The following HPSE2 variants were observed in gnomAD, a reference collection of about 807,000 sequenced individuals.
HPSE2 encodes heparanase 2 (inactive).
In HPSE2, 38 loss-of-function variants were observed where a neutral mutation model predicts 60.5. That is an observed-to-expected ratio of 0.63 (90% CI 0.48 to 0.82). The LOEUF is 0.82. HPSE2 is among the 40% of genes least tolerant of loss of function. HPSE2 has a pLI of 0.00. For synonymous variants in HPSE2, 295 were observed against 293.2 expected (o/e 1.01, Z -0.06); for missense variants, 713 against 740.4 (o/e 0.96, Z 0.43).
At chr10:98,642,411 C>A (rs558265652) in intron 6 of HPSE2, among the ~76,000 whole-genome samples, 1 of 152,230 alleles carries the variant, frequency 6.6e-6, no homozygotes, top group African/African-American at 2.4e-5. Context: ...AAAAATCTGA[C>A]TTAGTGTAGT....
rs554036463 is a variant in HPSE2, at chr10:98,960,038, T to A, written c.610+184200A>T. Among the ~76,000 whole-genome samples, 5 of 152,280 alleles carry A rather than the reference T, an allele frequency of 3.3e-5. No individual in the cohort carries two copies. The East Asian group carries it at 9.6e-4, about 29-fold the overall frequency. On this transcript the variant is annotated intron_variant, in intron 3 of 11. Coordinates refer to ENST00000370552, the MANE Select transcript of HPSE2 (RefSeq NM_021828.5). ...TAAACTTTGCCTCTTTCCTTCCTGC[T>A]GAGATTATATCCATCAAACCTAAAA...
chr10:99,305,968 C>CGCGCGT, the HPSE2 span, among the ~76,000 whole-genome samples: 12 of 105,632 alleles, frequency 1.1e-4, 1 homozygote, highest in African/African-American at 4.3e-4. Flanking sequence ...CACACGCGCG[C>CGCGCGT]GCGCGCGCGC....
chr10:99,247,431 C>T, the HPSE2 span, among the ~76,000 whole-genome samples: 5 of 152,114 alleles, frequency 3.3e-5, no homozygotes, highest in Non-Finnish European at 7.4e-5. Context: ...TACCCGCTAC[C>T]GCAAAAACAC....
intron 3 of HPSE2, among the ~76,000 whole-genome samples, chr10:98,779,175 T>G (rs1192649703): frequency 6.6e-6 from 1 of 152,154 alleles, no homozygotes; most frequent in Non-Finnish European, 1.5e-5. Context: ...GGAGAAAAAT[T>G]AGTTTCTTAG....
At chr10:98,504,005 T>C (rs545519880) in intron 9 of HPSE2, among the ~76,000 whole-genome samples, 2 of 152,274 alleles carry the variant, frequency 1.3e-5, no homozygotes, top group South Asian at 2.1e-4. Flanking sequence ...CAATAACTTA[T>C]GGGAAAAAAA....
At chr10:99,184,819 T>G (rs12250964) in intron 2 of HPSE2, among the ~76,000 whole-genome samples, 303 of 19,788 alleles carry the variant, frequency 0.015, 12 homozygotes, top group Middle Eastern at 0.05. Flanking sequence ...TATATATATA[T>G]AGAGAGAGAG....
intron 11 of HPSE2, among the ~76,000 whole-genome samples, chr10:98,466,360 T>C (rs945369957): frequency 3.9e-5 from 6 of 152,068 alleles, no homozygotes; most frequent in Non-Finnish European, 8.8e-5. Flanking sequence ...ACGCCTGTAA[T>C]CCCAGCACTT....
At chr10:98,986,598 C>T (rs1057455135) in intron 3 of HPSE2, among the ~76,000 whole-genome samples, 2 of 130,388 alleles carry the variant, frequency 1.5e-5, no homozygotes, top group African/African-American at 5.4e-5. Flanking sequence ...GAAGCAAGAG[C>T]AAACACATTC....
intron 3 of HPSE2, among the ~76,000 whole-genome samples, chr10:99,119,241 C>T (rs1022795157): frequency 2.0e-5 from 3 of 152,110 alleles, no homozygotes; most frequent in African/African-American, 4.8e-5. Context: ...TAAATAACTT[C>T]AGCAAAGTCT....
At chr10:99,249,455 T>C in the HPSE2 span, among the ~76,000 whole-genome samples, 1 of 152,258 alleles carries the variant, frequency 6.6e-6, no homozygotes, top group African/African-American at 2.4e-5. Flanking sequence ...CCTTTTGGAA[T>C]GGGTGTATTT....
At chr10:98,778,722 C>T (rs571824422) in intron 3 of HPSE2, among the ~76,000 whole-genome samples, 34 of 152,272 alleles carry the variant, frequency 2.2e-4, no homozygotes, top group African/African-American at 7.9e-4. Flanking sequence ...AGGCAAATCC[C>T]TTATCCTCAA....
At chr10:99,289,486 A>G in the HPSE2 span, among the ~76,000 whole-genome samples, 2 of 152,088 alleles carry the variant, frequency 1.3e-5, no homozygotes, top group East Asian at 3.9e-4. Flanking sequence ...TCTTTTTAGA[A>G]TGCAGTTTAT....
intron 7 of HPSE2, among the ~76,000 whole-genome samples, chr10:98,637,282 C>T (rs1946523114): frequency 6.6e-6 from 1 of 152,052 alleles, no homozygotes; most frequent in South Asian, 2.1e-4. Context: ...CATTGTCTTT[C>T]AGGTGCCAAA....
chr10:98,619,341 G>A (rs1427763431), intron 8 of HPSE2, among the ~76,000 whole-genome samples: 1 of 152,180 alleles, frequency 6.6e-6, no homozygotes, highest in Non-Finnish European at 1.5e-5. Context: ...GCAGGCTAAT[G>A]AGAGGCCCTT....
At position 99,154,028 on chromosome 10, in the gene HPSE2, G is replaced by A. The variant is rs1446044815; in HGVS notation, c.449-9629C>T. Among the ~76,000 whole-genome samples, 43 of 152,194 alleles carry A rather than the reference G, an allele frequency of 2.8e-4. No individual in the cohort carries two copies. The East Asian group carries it at 6.4e-3, about 23-fold the overall frequency. On this transcript the variant is annotated intron_variant, in intron 2 of 11. Transcript: ENST00000370552. ...CAATGGAAGATGAAATAAATGAAAT[G>A]AAGCGAGAAGGGAAGTTTAGAGAAA...
the HPSE2 span, among the ~76,000 whole-genome samples, chr10:99,300,004 A>T: frequency 6.8e-6 from 1 of 147,696 alleles, no homozygotes; most frequent in Admixed American, 6.8e-5. Context: ...GTTTACAATA[A>T]TAGGGACAGG....
At chr10:99,291,687 A>G in the HPSE2 span, among the ~76,000 whole-genome samples, 1 of 152,092 alleles carries the variant, frequency 6.6e-6, no homozygotes, top group Non-Finnish European at 1.5e-5. Flanking sequence ...ATGAAGATCC[A>G]TGAAGCCTCG....
At chr10:98,464,102 C>T (rs372369906) in intron 11 of HPSE2, among the ~76,000 whole-genome samples, 9 of 152,004 alleles carry the variant, frequency 5.9e-5, no homozygotes, top group Non-Finnish European at 8.8e-5. Flanking sequence ...GGCAACAGTG[C>T]GAGACTCTGT....
chr10:99,166,016 A>G (rs1847067109), intron 2 of HPSE2, among the ~76,000 whole-genome samples: 1 of 152,182 alleles, frequency 6.6e-6, no homozygotes, highest in Non-Finnish European at 1.5e-5. Flanking sequence ...ATCTGTTTCT[A>G]TAGCTTTCTC....
Sources: allele counts gnomAD v4.1 joint callset (sites outside exome capture counted in the v4.1 genomes callset), GRCh38; gene constraint gnomAD v4.1.1; transcripts MANE v1.5; gene names NCBI Gene and HGNC (gene_info 2026-07-23, HGNC 2026-07-21).